TEX10: variants seen among roughly 807,000 people sequenced by gnomAD.
TEX10 encodes the protein testis expressed 10.
Under a neutral mutation model 104.4 loss-of-function variants are expected in TEX10, and 24 were observed. The ratio of observed to expected loss-of-function variants is 0.23; its 90% CI spans 0.17 to 0.32. The LOEUF (loss-of-function observed/expected upper bound fraction) is 0.32. Ranked by LOEUF, TEX10 falls within the 10% of genes least tolerant of loss-of-function variation. The probability of loss-of-function intolerance (pLI) is 1.00; values close to 1 mark genes in which losing one functional copy is unlikely to be tolerated. For synonymous variants in TEX10, 396 were observed against 393.4 expected (o/e 1.01, Z -0.08); for missense variants, 921 against 1,083.9 (o/e 0.85, Z 2.11).
intron 1 of TEX10, among the ~76,000 whole-genome samples, chr9:100,351,001 C>T (rs1466950746): frequency 6.6e-6 from 1 of 152,090 alleles, no homozygotes; most frequent in Admixed American, 6.5e-5. Context: ...GTGCCTGGTA[C>T]ATGGTTAAAT....
intron 13 of TEX10, chr9:100,304,752 G>A: frequency 6.6e-6 from 1 of 152,378 alleles, no homozygotes; most frequent in Non-Finnish European, 1.5e-5. Context: ...CAGCTACTCG[G>A]GAGGCTGAGG....
intron 11 of TEX10, among the ~76,000 whole-genome samples, chr9:100,313,870 A>G: frequency 6.6e-6 from 1 of 151,178 alleles, no homozygotes; most frequent in African/African-American, 2.4e-5. Context: ...AAAGAGACAC[A>G]CACATAGGAA....
At chr9:100,321,624 G>C in intron 10 of TEX10, 59 bp downstream of exon 10, 1 of 1,340,826 alleles carries the variant, frequency 7.5e-7, no homozygotes. Context: ...ATCTTAGAAG[G>C]AGAATTGTGA....
intron 14 of TEX10, 42 bp downstream of exon 14, chr9:100,303,590 C>A (rs1237825442): frequency 6.2e-7 from 1 of 1,604,902 alleles, no homozygotes; most frequent in East Asian, 2.2e-5. Context: ...TAAATTCATT[C>A]TTATGCTAAT....
Position 100,302,238 on chromosome 9 carries a change from TATA to T in TEX10, c.2740_2742del (p.Tyr914del). 1 of 1,613,602 alleles carries T rather than the reference TATA, an allele frequency of 6.2e-7. No homozygotes were observed. ...CTGGGCCCTTGGGGATGCCCAGTGA[TATA>T]CACGTTGAAGCAGTAATGTAAGTCT... On this transcript the variant is annotated inframe_deletion, in exon 15 of 15. Coordinates refer to ENST00000374902, the MANE Select transcript of TEX10 (RefSeq NM_017746.4).
At chr9:100,305,663 G>T (rs1241722404) in intron 13 of TEX10, 1 of 151,994 alleles carries the variant, frequency 6.6e-6, no homozygotes, top group Non-Finnish European at 1.5e-5. Context: ...AAAACCTCTA[G>T]GTGAAAGAAA....
intron 11 of TEX10, among the ~76,000 whole-genome samples, chr9:100,313,312 C>G (rs1834325673): frequency 1.3e-5 from 2 of 151,870 alleles, no homozygotes; most frequent in African/African-American, 4.8e-5. Context: ...GTCAGAAGTT[C>G]AAGACCAGCC....
chr9:100,313,358 T>G (rs1002737091), intron 11 of TEX10, among the ~76,000 whole-genome samples: 1 of 149,970 alleles, frequency 6.7e-6, no homozygotes, highest in Non-Finnish European at 1.5e-5. Context: ...CTACTAAATA[T>G]ACAAAAATTA....
At chr9:100,313,763 G>C (rs1321763604) in intron 11 of TEX10, among the ~76,000 whole-genome samples, 1 of 150,786 alleles carries the variant, frequency 6.6e-6, no homozygotes, top group East Asian at 2.0e-4. Flanking sequence ...AGAATTGCTT[G>C]AACCCAGGAG....
chr9:100,342,052 T>TC (rs1400535167), intron 4 of TEX10, among the ~76,000 whole-genome samples: 3 of 152,156 alleles, frequency 2.0e-5, no homozygotes, highest in Non-Finnish European at 2.9e-5. Context: ...TCTACCATTC[T>TC]CCCAGTACCT....
At chr9:100,328,007 G>T in intron 7 of TEX10, 45 bp from the exon 8 acceptor site, 2 of 1,406,322 alleles carry the variant, frequency 1.4e-6, no homozygotes, top group East Asian at 2.5e-5. Flanking sequence ...TCAAAGACAA[G>T]GGAAATAAAT....
At chr9:100,344,365 T>A (rs1835249034) in intron 4 of TEX10, among the ~76,000 whole-genome samples, 1 of 152,246 alleles carries the variant, frequency 6.6e-6, no homozygotes, top group Non-Finnish European at 1.5e-5. Context: ...AGATCCTTTG[T>A]TAGTGTTATC....
At chr9:100,330,888 G>C (rs955185650) in intron 5 of TEX10, among the ~76,000 whole-genome samples, 1 of 152,090 alleles carries the variant, frequency 6.6e-6, no homozygotes, top group East Asian at 1.9e-4. Flanking sequence ...GGATGAACTG[G>C]GAAGACTGCT....
At chr9:100,339,274 A>AAAAAAATAT in intron 5 of TEX10, among the ~76,000 whole-genome samples, 1 of 91,702 alleles carries the variant, frequency 1.1e-5, no homozygotes. Flanking sequence ...AAAAAAAAAA[A>AAAAAAATAT]GTATATATAT....
chr9:100,303,677 C>T lies in TEX10; in HGVS notation c.2631G>A (p.Met877Ile). The change falls in exon 14 of 15, where the codon ATG (methionine) becomes ATA (isoleucine). Residue 877 changes from methionine (M) to isoleucine (I), a missense_variant. Transcript: ENST00000374902. Reference sequence around the variant, plus strand: ...GCTGCACCAAGATCGCATTGGTCAACATATGAGTCCTGAGGGGTGCATGCT... The same window carrying T: ...GCTGCACCAAGATCGCATTGGTCAATATATGAGTCCTGAGGGGTGCATGCT... ...LLQHAPLRTH[M>I]LTNAILVQQI... The T allele has an allele frequency of 6.2e-7, 1 of 1,614,088 alleles. No individual in the cohort carries two copies. The highest frequency in any genetic ancestry group is 1.1e-5 in the South Asian group (1 of 91,068).
At chr9:100,321,913 T>C (rs1834581769) in intron 9 of TEX10, 142 bp from the exon 10 acceptor site, 1 of 564,106 alleles carries the variant, frequency 1.8e-6, no homozygotes, top group South Asian at 2.6e-5. Flanking sequence ...GTATGCCTTG[T>C]ATTAATTTCA....
At chr9:100,305,866 C>T (rs1222274274) in intron 13 of TEX10, 2 of 152,174 alleles carry the variant, frequency 1.3e-5, no homozygotes, top group Non-Finnish European at 2.9e-5. Flanking sequence ...AACTATCCTA[C>T]AGGGAAGTCT....
chr9:100,326,807 A>C lies in TEX10; in HGVS notation c.1802-328T>G, dbSNP rs985865163. Among the ~76,000 whole-genome samples the C allele has an allele frequency of 7.9e-5, 12 of 152,232 alleles. No individual in the cohort carries two copies. In the South Asian group the frequency reaches 1.0e-3, roughly 13 times the overall value. ...GCAATTTTGCTAAACAGTGACAATT[A>C]CATCAACCTGACTTAAAGCAAAAGA... is the stretch of plus-strand genomic sequence containing the variant. On this transcript the variant is annotated intron_variant, in intron 8 of 14. Transcript: ENST00000374902.
chr9:100,331,198 T>C (rs1275250176), intron 5 of TEX10, among the ~76,000 whole-genome samples: 1 of 152,062 alleles, frequency 6.6e-6, no homozygotes, highest in Non-Finnish European at 1.5e-5. Flanking sequence ...GAGGCGGAGT[T>C]TGCAGTGAGC....
Sources: allele counts gnomAD v4.1 joint callset (sites outside exome capture counted in the v4.1 genomes callset), GRCh38; gene constraint gnomAD v4.1.1; transcripts MANE v1.5; gene names NCBI Gene and HGNC (gene_info 2026-07-23, HGNC 2026-07-21).